Variants in BPTF observed in about 807,000 individuals in gnomAD.
BPTF encodes the protein bromodomain PHD finger transcription factor, also known as nucleosome-remodeling factor subunit BPTF.
Under a neutral mutation model 292.5 loss-of-function variants are expected in BPTF, and 18 were observed. The observed-to-expected ratio is 0.06, with a 90% CI of 0.04 to 0.09. BPTF has a LOEUF of 0.09. Ranked by LOEUF, BPTF falls within the 10% of genes least tolerant of loss-of-function variation. The pLI, the probability that BPTF is intolerant of heterozygous loss-of-function variation, is 1.00. For missense variants in BPTF, 2,726 were observed against 3,498.7 expected, an observed-to-expected ratio of 0.78 and a Z score of 5.57; for synonymous variants, 1,225 against 1,251.9, an observed-to-expected ratio of 0.98 and a Z score of 0.45.
At chr17:67,871,023 G>T (rs970958691) in intron 3 of BPTF, among the ~76,000 whole-genome samples, 3 of 151,452 alleles carry the variant, frequency 2.0e-5, no homozygotes, top group African/African-American at 4.9e-5. Context: ...CGCCCGCCTC[G>T]GCCTCCCAAA....
intron 2 of BPTF, among the ~76,000 whole-genome samples, chr17:67,859,940 G>C (rs1299275618): frequency 6.6e-6 from 1 of 152,152 alleles, no homozygotes; most frequent in Non-Finnish European, 1.5e-5. Flanking sequence ...TTAAGTACCT[G>C]TGGGTGATTT....
chr17:67,910,103 A>G (rs1432860445), intron 10 of BPTF, among the ~76,000 whole-genome samples: 1 of 152,236 alleles, frequency 6.6e-6, no homozygotes, highest in Non-Finnish European at 1.5e-5. Context: ...TGGACAGTCC[A>G]TAGAAATGGA....
rs1204645221 is a variant in BPTF at position 67,889,562 on chromosome 17, C to CT, written c.1865-2279dup. Among the ~76,000 whole-genome samples the CT allele has an allele frequency of 2.6e-5, 4 of 152,160 alleles. No individual in the cohort carries two copies. In the South Asian group the frequency reaches 6.2e-4, roughly 24 times the overall value. On this transcript the variant is annotated intron_variant, in intron 4 of 27. Transcript: ENST00000306378. ...GTGGCTCACGCCTGTAATCCCAGCA[C>CT]TTTGGGAGGCTGAGACGGGTGGATC...
chr17:67,968,671 C>G (rs2148477266), intron 26 of BPTF, among the ~76,000 whole-genome samples: 1 of 150,992 alleles, frequency 6.6e-6, no homozygotes, highest in South Asian at 2.1e-4. Flanking sequence ...ACCTGTAGTC[C>G]CAGCTACTCA....
chr17:67,928,505 A>C lies in BPTF; in HGVS notation c.5902A>C (p.Thr1968Pro), dbSNP rs771581740. Residue 1968 changes from threonine to proline, a missense_variant, in exon 16 of 28, where the codon ACT (threonine) becomes CCT (proline). By Grantham distance (38) the Thr-to-Pro change is conservative. Around this residue, in one of 22 missense-constraint regions of BPTF, gnomAD observed 198 missense variants for 277.1 expected, o/e 0.71. Transcript: ENST00000306378. ...AACTGGAACCAAAATGGTACTAACT[A>C]CTAAAGTTGGATCTCCAGCTACAGT... ...VTTGTKMVLT[T>P]KVGSPATVTF... is the part of the protein sequence containing the mutation. 6.2e-7 allele frequency: 1 copy of C among 1,614,174 alleles called. No homozygotes were observed. Among genetic ancestry groups the C allele is most frequent in the South Asian group, 1.1e-5 (1 of 91,088 alleles).
intron 11 of BPTF, among the ~76,000 whole-genome samples, chr17:67,917,842 C>T (rs148774857): frequency 6.6e-6 from 1 of 151,890 alleles, no homozygotes; most frequent in Non-Finnish European, 1.5e-5. Flanking sequence ...GACAGAGTCT[C>T]GCTCTGTCGC....
chr17:67,959,701 C>G lies in BPTF; in HGVS notation c.8087C>G (p.Thr2696Arg). The change falls in exon 24 of 28, where the codon ACA (threonine) becomes AGA (arginine). Residue 2696 changes from threonine to arginine, a missense_variant. This residue lies in a region of BPTF where 148 missense variants were observed against 145.5 expected (regional missense o/e 1.02). Transcript: ENST00000306378. ...CCCCCTCCACCTGCTGTGCAACACA[C>G]AGGCCTTCTGTCCACGCCCACCTTA... Reference protein sequence around the residue: ...SPPPPPAVQHTGLLSTPTLPA... With the variant: ...SPPPPPAVQHRGLLSTPTLPA... The G allele has an allele frequency of 1.9e-6, 3 of 1,588,362 alleles. No homozygotes were observed. Among genetic ancestry groups the G allele is most frequent in the Non-Finnish European group, 1.7e-6 (2 of 1,172,004 alleles).
intron 27 of BPTF, among the ~76,000 whole-genome samples, chr17:67,979,594 A>G (rs1555695884): frequency 6.6e-6 from 1 of 152,186 alleles, no homozygotes. Context: ...GAATCACCCT[A>G]TAGACAAAGC....
At chr17:67,938,023 G>A (rs1388168760) in intron 18 of BPTF, among the ~76,000 whole-genome samples, 1 of 152,210 alleles carries the variant, frequency 6.6e-6, no homozygotes, top group Non-Finnish European at 1.5e-5. Context: ...TGAGGCAGGA[G>A]AATCGCTTGA....
chr17:67,886,342 T>C, intron 4 of BPTF: 1 of 1,423,652 alleles, frequency 7.0e-7, no homozygotes, highest in Non-Finnish European at 9.3e-7. Context: ...ATCCATTCCT[T>C]TAAAGGGAAG....
Position 67,978,728 on chromosome 17 carries a change from G to GCACT in BPTF, c.8726+2772_8726+2775dup, listed in dbSNP as rs2069897369. ...GACCAAATCCTAGCAGGAGAATGGA[G>GCACT]CACTCCCCAGAGGCTCAGTAGAGCA... is the stretch of plus-strand genomic sequence containing the variant. On this transcript the variant is annotated intron_variant, in intron 27 of 27. Coordinates refer to ENST00000306378, the MANE Select transcript of BPTF (RefSeq NM_182641.4). 3.9e-5 allele frequency among the ~76,000 whole-genome samples: 6 copies of GCACT among 152,198 alleles called. No individual in the cohort carries two copies. In the South Asian group the frequency reaches 1.2e-3, roughly 32 times the overall value.
chr17:67,850,030 A>C (rs1022720607), intron 1 of BPTF, among the ~76,000 whole-genome samples: 7 of 152,202 alleles, frequency 4.6e-5, no homozygotes, highest in African/African-American at 1.7e-4. Context: ...CCACTGTTTT[A>C]AGGCTTCTCA....
chr17:67,896,658 G>A (rs1158751525), intron 7 of BPTF, among the ~76,000 whole-genome samples: 1 of 152,108 alleles, frequency 6.6e-6, no homozygotes, highest in African/African-American at 2.4e-5. Flanking sequence ...AAATTTTAAA[G>A]GCAAGGGCTA....
Position 67,975,783 on chromosome 17 carries a change from A to G in BPTF, c.8551A>G (p.Met2851Val). 1 of 1,609,916 alleles carries G rather than the reference A, an allele frequency of 6.2e-7. No individual in the cohort carries two copies. The highest frequency in any genetic ancestry group is 8.5e-7 in the Non-Finnish European group (1 of 1,178,920). ...TTTGTGTTTTTAAGACCTTGCCACC[A>G]TGGAAGAAAGAGTACAAAGACGATA... is the stretch of plus-strand genomic sequence containing the variant. ...VIKEPMDLAT[M>V]EERVQRRYYE... The change falls in exon 27 of 28, where the codon ATG becomes GTG. Residue 2851 changes from methionine (M) to valine (V), a missense_variant. By Grantham distance (21) the Met-to-Val change is conservative. Around this residue, in one of 22 missense-constraint regions of BPTF, gnomAD observed 27 missense variants for 66.1 expected, o/e 0.41. Coordinates refer to ENST00000306378, the MANE Select transcript of BPTF (RefSeq NM_182641.4).
intron 3 of BPTF, among the ~76,000 whole-genome samples, chr17:67,868,875 C>T (rs972663601): frequency 1.3e-5 from 2 of 152,096 alleles, no homozygotes; most frequent in African/African-American, 4.8e-5. Context: ...CACAAATATA[C>T]TTTGTCTTCA....
Position 67,893,661 on chromosome 17 carries a change from A to G in BPTF, c.2347A>G (p.Thr783Ala). Residue 783 changes from threonine (T) to alanine (A), a missense_variant, in exon 6 of 28, where the codon ACT becomes GCT. By Grantham distance (58) the Thr-to-Ala change is moderately conservative (BLOSUM62 0). Coordinates refer to ENST00000306378, the MANE Select transcript of BPTF (RefSeq NM_182641.4). ...KVLTISTLRL[T>A]ITQLENNIPS... Reference sequence around the variant, plus strand: ...TCTTACCATATCTACTCTGAGACTGACTATCACCCAATTAGAAAACAACAT... The same window carrying G: ...TCTTACCATATCTACTCTGAGACTGGCTATCACCCAATTAGAAAACAACAT... 2 of 1,612,116 alleles carry G rather than the reference A, an allele frequency of 1.2e-6. No homozygotes were observed. The highest frequency in any genetic ancestry group is 2.2e-5 in the East Asian group (1 of 44,868).
intron 27 of BPTF, among the ~76,000 whole-genome samples, chr17:67,979,739 G>A (rs1207127573): frequency 6.6e-6 from 1 of 152,028 alleles, no homozygotes; most frequent in Non-Finnish European, 1.5e-5. Context: ...ACAAGAAATA[G>A]CAGTATAAGA....
chr17:67,924,535 T>C lies in BPTF; in HGVS notation c.5709-12T>C. ...GCTAGTTTCTGATAAGTTTCTCCTT[T>C]TTTTCCTGCAGAGTGGAGAAAGAAA... On this transcript the variant is annotated splice_polypyrimidine_tract_variant and intron_variant, in intron 14 of 27. Coordinates refer to ENST00000306378, the MANE Select transcript of BPTF (RefSeq NM_182641.4). The C allele has an allele frequency of 6.2e-7, 1 of 1,612,306 alleles. No individual in the cohort carries two copies. The highest frequency in any genetic ancestry group is 8.5e-7 in the Non-Finnish European group (1 of 1,179,674).
Position 67,920,084 on chromosome 17 carries a change from G to T in BPTF, c.5498G>T (p.Arg1833Leu), listed in dbSNP as rs556375365. The change falls in exon 13 of 28, where the codon CGA (arginine) becomes CTA (leucine). Residue 1833 changes from arginine to leucine, a missense_variant. Physicochemically the swap from Arg to Leu is moderately radical, Grantham distance 102. This residue lies in a region of BPTF where 198 missense variants were observed against 277.1 expected (regional missense o/e 0.71). Coordinates refer to ENST00000306378, the MANE Select transcript of BPTF (RefSeq NM_182641.4). ...AGAGATGTTGGTCCTTATGGCATTC[G>T]ATCTGAATATTGTATCAGGAAAATC... ...KRRDVGPYGIRSEYCIRKIIC... is the reference protein window; with the variant it reads ...KRRDVGPYGILSEYCIRKIIC... 5.6e-6 allele frequency: 9 copies of T among 1,611,778 alleles called. No homozygotes were observed. The highest frequency in any genetic ancestry group is 7.6e-6 in the Non-Finnish European group (9 of 1,178,080).
Sources: gnomAD v4.1 joint callset for allele counts (sites outside exome capture counted in the v4.1 genomes callset) on GRCh38, gnomAD v4.1.1 for gene constraint, gnomAD v4.1.1 regional missense constraint, MANE v1.5 for transcripts, NCBI Gene and HGNC (gene_info 2026-07-23, HGNC 2026-07-21) for gene names.